GRIN1: variants seen among roughly 807,000 people sequenced by gnomAD.
GRIN1 encodes the protein glutamate receptor ionotropic, NMDA 1.
Under a neutral mutation model 103.0 loss-of-function variants are expected in GRIN1, and 38 were observed. The observed-to-expected ratio is 0.37, with a 90% CI of 0.28 to 0.48. The LOEUF (loss-of-function observed/expected upper bound fraction) is 0.48, where lower values mean the gene tolerates loss of function less well. Ranked by LOEUF, GRIN1 falls within the 20% of genes least tolerant of loss-of-function variation. The pLI is 0.98. For missense variants in GRIN1, 577 were observed against 1,288.9 expected, an observed-to-expected ratio of 0.45 and a Z score of 8.46; for synonymous variants, 544 against 532.7, an observed-to-expected ratio of 1.02 and a Z score of -0.29.
At position 137,162,020 on chromosome 9, in the gene GRIN1, G is replaced by A; in HGVS notation, c.1564G>A (p.Glu522Lys). ...MIVAPLTINN[E>K]RAQYIEFSKP... is the part of the protein sequence containing the mutation. ...CGTGGCGCCGCTAACCATAAACAAC[G>A]AGCGCGCGCAGTACATCGAGTTTTC... is the stretch of plus-strand genomic sequence containing the variant. The change falls in exon 11 of 20, where the codon GAG becomes AAG. Residue 522 changes from glutamate to lysine, a missense_variant. Coordinates refer to ENST00000371561, the MANE Select transcript of GRIN1 (RefSeq NM_007327.4). 1 of 1,556,146 alleles carries A rather than the reference G, an allele frequency of 6.4e-7. No individual in the cohort carries two copies. Among genetic ancestry groups the A allele is most frequent in the Non-Finnish European group, 8.7e-7 (1 of 1,149,878 alleles).
Position 137,139,359 on chromosome 9 carries a change from T to C in GRIN1, c.-128T>C, listed in dbSNP as rs1247147749. The stretch of plus-strand genomic sequence containing the variant: ...TCGGCCGACGTCCCGGGACCGCCGC[T>C]CCGGGGGAGACGTGGCGTCCGCAGC... On this transcript the variant is annotated 5_prime_UTR_variant, in exon 1 of 20. Coordinates refer to ENST00000371561, the MANE Select transcript of GRIN1 (RefSeq NM_007327.4). This position sits in a 1 kb window ranked among gnomAD's most constrained non-coding sequence, Gnocchi z 7.7. The C allele has an allele frequency of 2.0e-5, 10 of 495,556 alleles. No homozygotes were observed. The highest frequency in any genetic ancestry group is 4.1e-5 in the African/African-American group (2 of 48,670). The allele number at this position is 495,556 out of a possible 1,614,324, so 30.7% of individuals were successfully genotyped here. A position where few individuals can be genotyped will look rare whatever the true frequency, so the allele number is the denominator to read the frequency against.
intron 10 of GRIN1, among the ~76,000 whole-genome samples, chr9:137,161,667 T>TGGGTG (rs1564362419): frequency 8.5e-5 from 2 of 23,462 alleles, no homozygotes; most frequent in Admixed American, 5.1e-4. Flanking sequence ...GGGCACGGAG[T>TGGGTG]GGGCAGGGCC....
chr9:137,161,203 TGCGCGGGGCAGGGCGCGGG>T lies in GRIN1; in HGVS notation c.1339+29_1340-45del, dbSNP rs761110882. On this transcript the variant is annotated splice_region_variant and intron_variant, in intron 9 of 19. Transcript: ENST00000371561. ...CGACACGTCGCCGGGCAGCCGTGAG[TGCGCGGGGCAGGGCGCGGG>T]GCGCGGGGCAGGGCGCGGGGCGTGG... 1.2e-5 allele frequency: 20 copies of T among 1,607,752 alleles called. No homozygotes were observed. Among genetic ancestry groups the T allele is most frequent in the East Asian group, 2.2e-5 (1 of 44,620 alleles).
chr9:137,140,965 T>A (rs954919858), intron 1 of GRIN1, among the ~76,000 whole-genome samples: 2 of 152,126 alleles, frequency 1.3e-5, no homozygotes, highest in African/African-American at 2.4e-5. Flanking sequence ...GGGGGATGCA[T>A]CTGTAGCCAG....
chr9:137,156,771 C>A lies in GRIN1; in HGVS notation c.774C>A (p.Ala258=). ...GCGAGCGCGAGATCTCGGGGAACGC[C>A]CTGCGCTACGCCCCAGACGGTGAGT... The part of the protein sequence containing the change: ...LVGEREISGN[A]LRYAPDGILG... The change falls in exon 5 of 20, where the codon GCC becomes GCA. Residue 258 remains alanine, a synonymous_variant. Coordinates refer to ENST00000371561, the MANE Select transcript of GRIN1 (RefSeq NM_007327.4). 6.3e-7 allele frequency: 1 copy of A among 1,590,340 alleles called. No individual in the cohort carries two copies. Among genetic ancestry groups the A allele is most frequent in the Non-Finnish European group, 8.5e-7 (1 of 1,169,796 alleles).
chr9:137,144,640 G>A (rs1832388564), intron 2 of GRIN1, among the ~76,000 whole-genome samples: 1 of 148,640 alleles, frequency 6.7e-6, no homozygotes, highest in Admixed American at 6.7e-5. Context: ...GTGCGAGACT[G>A]TTTAAAAAAA....
chr9:137,152,698 G>A (rs963401102), intron 4 of GRIN1, among the ~76,000 whole-genome samples: 2 of 152,118 alleles, frequency 1.3e-5, no homozygotes, highest in Non-Finnish European at 2.9e-5. Flanking sequence ...TAAGAAAAAG[G>A]CCAGCCCAGG....
chr9:137,163,781 G>A lies in GRIN1; in HGVS notation c.2466G>A (p.Gly822=), dbSNP rs1833699276. 1 of 1,613,624 alleles carries A rather than the reference G, an allele frequency of 6.2e-7. No homozygotes were observed. The highest frequency in any genetic ancestry group is 1.6e-4 in the Middle Eastern group (1 of 6,084). Reference sequence around the variant, plus strand: ...CAGGGGTCTTCATGCTGGTAGCTGGGGGCATCGTGGCCGGGATCTTCCTGA... The same window carrying A: ...CAGGGGTCTTCATGCTGGTAGCTGGAGGCATCGTGGCCGGGATCTTCCTGA... The part of the protein sequence containing the change: ...NMAGVFMLVA[G]GIVAGIFLIF... The change falls in exon 18 of 20, where the codon GGG becomes GGA. Residue 822 remains glycine (G), a synonymous_variant. Coordinates refer to ENST00000371561, the MANE Select transcript of GRIN1 (RefSeq NM_007327.4).
chr9:137,153,274 CAT>C (rs1414336596), intron 4 of GRIN1, among the ~76,000 whole-genome samples: 6 of 151,108 alleles, frequency 4.0e-5, no homozygotes, highest in Non-Finnish European at 7.4e-5. Flanking sequence ...ACACCATACA[CAT>C]GTGCACAAAT....
chr9:137,147,079 C>T (rs1299248426), intron 3 of GRIN1, among the ~76,000 whole-genome samples: 1 of 151,316 alleles, frequency 6.6e-6, no homozygotes, highest in Non-Finnish European at 1.5e-5. Flanking sequence ...CCCCAGCGCT[C>T]GACAGGCCCC....
intron 8 of GRIN1, among the ~76,000 whole-genome samples, chr9:137,160,290 G>C (rs1217589713): frequency 6.6e-6 from 1 of 152,262 alleles, no homozygotes; most frequent in Non-Finnish European, 1.5e-5. Flanking sequence ...GTCCTGTGCA[G>C]GTGCAGGGTC....
rs1833508924 is a variant in GRIN1 at position 137,161,034 on chromosome 9, TG to T, written c.1198-19del. The T allele has an allele frequency of 3.7e-6, 6 of 1,612,308 alleles. No homozygotes were observed. The East Asian group carries it at 1.3e-4, about 36-fold the overall frequency. On this transcript the variant is annotated intron_variant, in intron 8 of 19. Transcript: ENST00000371561. Reference sequence around the variant, plus strand: ...GCAGCCTTAGGTCGGTGGTCCAGGCTGGGTCTCCCCTTCCCCCCCAGATTGT... The same window carrying T: ...GCAGCCTTAGGTCGGTGGTCCAGGCTGGTCTCCCCTTCCCCCCCAGATTGT...
chr9:137,166,851 C>T (rs1833905487), intron 19 of GRIN1, among the ~76,000 whole-genome samples: 1 of 152,172 alleles, frequency 6.6e-6, no homozygotes, highest in South Asian at 2.1e-4. Context: ...GTGGGCTGGG[C>T]AGGCTGGGGA....
In GRIN1 at chr9:137,163,232, C is replaced by T. The variant is rs200518957; in HGVS notation, c.2235C>T (p.Asp745=). 7.9e-5 allele frequency: 127 copies of T among 1,613,632 alleles called. No individual in the cohort carries two copies. The East Asian group carries it at 2.8e-3, about 36-fold the overall frequency. ...VLEFEASQKC[D]LVTTGELFFR... is the part of the protein sequence containing the mutation. ...AGTTCGAGGCCTCGCAGAAGTGCGA[C>T]CTGGTGACGACTGGAGAGCTGTTTT... Residue 745 remains aspartate (D), a synonymous_variant, in exon 16 of 20, where the codon GAC becomes GAT. Coordinates refer to ENST00000371561, the MANE Select transcript of GRIN1 (RefSeq NM_007327.4).
At chr9:137,152,646 T>A (rs1339697167) in intron 4 of GRIN1, among the ~76,000 whole-genome samples, 1 of 152,148 alleles carries the variant, frequency 6.6e-6, no homozygotes, top group African/African-American at 2.4e-5. Context: ...TGACCCCGCG[T>A]TGCCAGCCTC....
chr9:137,150,898 A>G (rs1467448378), intron 4 of GRIN1, among the ~76,000 whole-genome samples: 1 of 127,358 alleles, frequency 7.9e-6, no homozygotes, highest in Non-Finnish European at 1.6e-5. Context: ...AGCCCCGCCC[A>G]GATAAAAGCC....
At chr9:137,144,579 C>G (rs1832378797) in intron 2 of GRIN1, among the ~76,000 whole-genome samples, 1 of 151,028 alleles carries the variant, frequency 6.6e-6, no homozygotes, top group South Asian at 2.1e-4. Context: ...GGTGTGAACC[C>G]AGGAGGCGGA....
At position 137,167,988 on chromosome 9, in the gene GRIN1, C is replaced by T; in HGVS notation, c.*461C>T. ...TCCGTCCGCCCGCCCACCCCGCTGC[C>T]TGGCGGGCAGCCCCTGCTGGACCAA... On this transcript the variant is annotated 3_prime_UTR_variant, in exon 20 of 20. Coordinates refer to ENST00000371561, the MANE Select transcript of GRIN1 (RefSeq NM_007327.4). 1.3e-6 allele frequency: 1 copy of T among 761,724 alleles called. No individual in the cohort carries two copies. Among genetic ancestry groups the T allele is most frequent in the Non-Finnish European group, 2.2e-6 (1 of 447,330 alleles). 47.2% of individuals were successfully genotyped at this position (761,724 alleles called of 1,614,324 possible). A position where few individuals can be genotyped will look rare whatever the true frequency, so the allele number is the denominator to read the frequency against.
In GRIN1 at chr9:137,167,913, G is replaced by T; in HGVS notation, c.*386G>T. 1 of 1,430,996 alleles carries T rather than the reference G, an allele frequency of 7.0e-7. No individual in the cohort carries two copies. The allele number at this position is 1,430,996 out of a possible 1,614,324, so 88.6% of individuals were successfully genotyped here. A position where few individuals can be genotyped will look rare whatever the true frequency, so the allele number is the denominator to read the frequency against. Reference sequence around the variant, plus strand: ...CTGATGGGTCCTGCTGCTCGGGAAGGCCTGAGGGAAGCCCACCCGCCCCAG... The same window carrying T: ...CTGATGGGTCCTGCTGCTCGGGAAGTCCTGAGGGAAGCCCACCCGCCCCAG... On this transcript the variant is annotated 3_prime_UTR_variant, in exon 20 of 20. Coordinates refer to ENST00000371561, the MANE Select transcript of GRIN1 (RefSeq NM_007327.4).
Sources: allele counts gnomAD v4.1 joint callset (sites outside exome capture counted in the v4.1 genomes callset), GRCh38; gene constraint gnomAD v4.1.1; non-coding constraint Gnocchi (gnomAD v3.1); transcripts MANE v1.5; gene names NCBI Gene and HGNC (gene_info 2026-07-23, HGNC 2026-07-21).